TRIOBP: variants seen among roughly 807,000 people sequenced by gnomAD.
TRIOBP encodes TRIO and F-actin-binding protein.
Under a neutral mutation model 238.8 loss-of-function variants are expected in TRIOBP, and 169 were observed. That is an observed-to-expected ratio of 0.71 (90% CI 0.62 to 0.80). The LOEUF (loss-of-function observed/expected upper bound fraction) is 0.80, where lower values mean the gene tolerates loss of function less well. TRIOBP is among the 30% of genes least tolerant of loss of function. The pLI is 0.00. For missense variants in TRIOBP, 2,838 were observed against 3,122.6 expected (o/e 0.91, Z 2.17); for synonymous variants, 1,150 against 1,274.4 (o/e 0.90, Z 2.08).
In TRIOBP at chr22:37,725,247, C is replaced by G. The variant is rs1414294419; in HGVS notation, c.2691C>G (p.Pro897=). Residue 897 remains proline, a synonymous_variant, in exon 7 of 24, where the codon CCC becomes CCG. Transcript: ENST00000644935. ...TQWNNPRNSS[P]HRTNKDIPWA... ...GGAACAATCCCAGGAATTCATCTCC[C>G]CATCGTACTAACAAAGACATCCCCT... is the stretch of plus-strand genomic sequence containing the variant. The G allele has an allele frequency of 1.2e-6, 2 of 1,614,066 alleles. No individual in the cohort carries two copies. The highest frequency in any genetic ancestry group is 1.6e-4 in the Middle Eastern group (1 of 6,062).
At chr22:37,748,235 C>G (rs1042668340) in intron 11 of TRIOBP, among the ~76,000 whole-genome samples, 4 of 152,164 alleles carry the variant, frequency 2.6e-5, no homozygotes, top group African/African-American at 9.6e-5. Flanking sequence ...ATCCTGGCTG[C>G]CATGCAGACC....
chr22:37,754,981 G>A lies in TRIOBP; in HGVS notation c.5484G>A (p.Glu1828=), dbSNP rs747272525. The A allele has an allele frequency of 4.3e-5, 70 of 1,613,970 alleles. No individual in the cohort carries two copies. Among genetic ancestry groups the A allele is most frequent in the Admixed American group, 8.3e-5 (5 of 59,988 alleles). The change falls in exon 13 of 24, where the codon GAG becomes GAA. Residue 1828 remains glutamate, a synonymous_variant. Transcript: ENST00000644935. ...AATATTACAGAGACTCCACTGCTGA[G>A]GAGGTGAGGCCATGGGTGTACTGAT... ...SLKYYRDSTA[E]EADELDGEID...
chr22:37,767,488 G>C (rs1426676303), intron 18 of TRIOBP, among the ~76,000 whole-genome samples: 1 of 152,154 alleles, frequency 6.6e-6, no homozygotes, highest in East Asian at 1.9e-4. Flanking sequence ...TTTACTCTGA[G>C]CCATGCTTTG....
In TRIOBP at chr22:37,769,226, C is replaced by T. The variant is rs960518115; in HGVS notation, c.6736-36C>T. The T allele has an allele frequency of 5.0e-6, 8 of 1,603,718 alleles. No individual in the cohort carries two copies. In the South Asian group the frequency reaches 8.9e-5, roughly 18 times the overall value. ...CAGGTTGGGGGGACACGGGTGGGTCCCGGCACCCCTCCCCTGACCACCGTG... is the reference window on the plus strand; with the variant it reads ...CAGGTTGGGGGGACACGGGTGGGTCTCGGCACCCCTCCCCTGACCACCGTG... On this transcript the variant is annotated intron_variant, in intron 20 of 23. Coordinates refer to ENST00000644935, the MANE Select transcript of TRIOBP (RefSeq NM_001039141.3).
intron 2 of TRIOBP, among the ~76,000 whole-genome samples, chr22:37,698,658 C>A (rs2145807123): frequency 6.6e-6 from 1 of 152,054 alleles, no homozygotes; most frequent in South Asian, 2.1e-4. Context: ...TGGCCAAGAG[C>A]CCATTTTTAC....
rs1023385062 is a variant in TRIOBP, at chr22:37,759,613, G to A, written c.6324+349G>A. Reference sequence around the variant, plus strand: ...GACCCTTGCCCCGGGGAAGTGGGGGGCTAGTGGCCCCGAGAGTCACTCCCT... The same window carrying A: ...GACCCTTGCCCCGGGGAAGTGGGGGACTAGTGGCCCCGAGAGTCACTCCCT... On this transcript the variant is annotated intron_variant, in intron 17 of 23. Coordinates refer to ENST00000644935, the MANE Select transcript of TRIOBP (RefSeq NM_001039141.3). The A allele has an allele frequency of 7.1e-6, 11 of 1,551,900 alleles. No homozygotes were observed. The African/African-American group carries it at 1.2e-4, about 17-fold the overall frequency.
rs1161502228 is a variant in TRIOBP at position 37,725,379 on chromosome 22, A to C, written c.2823A>C (p.Pro941=). 6.2e-7 allele frequency: 1 copy of C among 1,612,246 alleles called. No individual in the cohort carries two copies. ...EVPWASIALR[P]TQGDRPQTSS... is the part of the protein sequence containing the mutation. ...CCTGGGCATCCATCGCCCTCCGGCC[A>C]ACCCAAGGTGACAGGCCTCAGACAT... The change falls in exon 7 of 24, where the codon CCA becomes CCC. Residue 941 remains proline, a synonymous_variant. Coordinates refer to ENST00000644935, the MANE Select transcript of TRIOBP (RefSeq NM_001039141.3).
chr22:37,729,897 C>T (rs1924343564), intron 7 of TRIOBP, among the ~76,000 whole-genome samples: 1 of 152,138 alleles, frequency 6.6e-6, no homozygotes, highest in African/African-American at 2.4e-5. Flanking sequence ...AGCTTATGAG[C>T]GGGTGGCTGT....
chr22:37,722,731 A>G (rs996555430), intron 6 of TRIOBP, among the ~76,000 whole-genome samples: 1 of 152,234 alleles, frequency 6.6e-6, no homozygotes, highest in African/African-American at 2.4e-5. Flanking sequence ...TGACTCAAAA[A>G]CAAAACAAAA....
chr22:37,721,344 C>G (rs1047258232), intron 6 of TRIOBP, among the ~76,000 whole-genome samples: 8 of 152,176 alleles, frequency 5.3e-5, no homozygotes, highest in Non-Finnish European at 1.0e-4. Context: ...CTGCTAGGTG[C>G]TGGGAACTCA....
intron 10 of TRIOBP, among the ~76,000 whole-genome samples, chr22:37,739,335 G>A (rs1924829005): frequency 6.6e-6 from 1 of 152,204 alleles, no homozygotes; most frequent in Non-Finnish European, 1.5e-5. Context: ...AGGTGGGGGA[G>A]GAGGAGACAG....
At chr22:37,772,849 G>C in intron 23 of TRIOBP, 85 bp downstream of exon 23, 1 of 1,523,864 alleles carries the variant, frequency 6.6e-7, no homozygotes, top group Non-Finnish European at 8.9e-7. Context: ...CCCCAGCCAG[G>C]CCACTTCCTT....
chr22:37,718,253 A>C (rs1343610390), intron 6 of TRIOBP, among the ~76,000 whole-genome samples: 1 of 152,192 alleles, frequency 6.6e-6, no homozygotes, highest in Non-Finnish European at 1.5e-5. Context: ...TGAGGGAGCC[A>C]GCTCCGGCCT....
Position 37,722,525 on chromosome 22 carries a change from G to A in TRIOBP, c.629-660G>A, listed in dbSNP as rs548463318. Among the ~76,000 whole-genome samples the A allele has an allele frequency of 2.1e-4, 32 of 150,898 alleles. 1 individual carries two copies. The highest frequency in any genetic ancestry group is 1.1e-3 in the Admixed American group (16 of 15,090). ...GCGGATCACCTGAGGTCAGGAGTTC[G>A]AGACCAGCCTGGCCAACATGGTGAA... On this transcript the variant is annotated intron_variant, in intron 6 of 23. Coordinates refer to ENST00000644935, the MANE Select transcript of TRIOBP (RefSeq NM_001039141.3).
chr22:37,697,383 C>T (rs561357098), intron 1 of TRIOBP, among the ~76,000 whole-genome samples: 2 of 152,104 alleles, frequency 1.3e-5, no homozygotes, highest in Non-Finnish European at 2.9e-5. Flanking sequence ...GCGGCGTTCT[C>T]CTGCTAGGCG....
intron 6 of TRIOBP, among the ~76,000 whole-genome samples, chr22:37,720,936 C>G (rs979925699): frequency 1.3e-5 from 2 of 152,104 alleles, no homozygotes; most frequent in Non-Finnish European, 2.9e-5. Context: ...CAGCTCACTG[C>G]AACCTCCACC....
rs1924019516 is a variant in TRIOBP, at chr22:37,724,585, GCCCTACGGGACAAT to G, written c.2033_2046del (p.Leu678GlnfsTer30). ...ACAAGAGAACCCCAGAACATCCTGT[GCCCTACGGGACAAT>G]CCCAGAGCCTCCTCTCCCAGCAGAA... is the stretch of plus-strand genomic sequence containing the variant. On this transcript the variant is annotated frameshift_variant, in exon 7 of 24. Transcript: ENST00000644935. LOFTEE classifies it high-confidence loss of function. 6.2e-7 allele frequency: 1 copy of G among 1,605,392 alleles called. No individual in the cohort carries two copies. The highest frequency in any genetic ancestry group is 1.4e-5 in the African/African-American group (1 of 71,848).
At chr22:37,711,593 CAACAAAAAA>C (rs1569034696) in intron 4 of TRIOBP, among the ~76,000 whole-genome samples, 11 of 24,202 alleles carry the variant, frequency 4.5e-4, no homozygotes, top group South Asian at 3.6e-3. Flanking sequence ...AAAAAAAAAA[CAACAAAAAA>C]AAAAAACAAA....
rs747966150 is a variant in TRIOBP at position 37,725,854 on chromosome 22, TCCC to T, written c.3302_3304del (p.Pro1101del). ...ATCAGATGCCGAGCATCAGTGTCAG[TCCC>T]CCCAACACGAGCCCCTTCAGCTCCC... On this transcript the variant is annotated inframe_deletion, in exon 7 of 24. Coordinates refer to ENST00000644935, the MANE Select transcript of TRIOBP (RefSeq NM_001039141.3). 2 of 1,594,290 alleles carry T rather than the reference TCCC, an allele frequency of 1.3e-6. No individual in the cohort carries two copies. The highest frequency in any genetic ancestry group is 2.9e-5 in the African/African-American group (2 of 68,316).
Sources: gnomAD v4.1 joint callset for allele counts (sites outside exome capture counted in the v4.1 genomes callset) on GRCh38, gnomAD v4.1.1 for gene constraint, MANE v1.5 for transcripts, NCBI Gene and HGNC (gene_info 2026-07-23, HGNC 2026-07-21) for gene names.